Variants in MCC observed in about 807,000 individuals in gnomAD.
The protein encoded by MCC is MCC regulator of Wnt signaling pathway.
MCC carries 90 observed loss-of-function variants against 116.2 expected under a neutral mutation model. The ratio of observed to expected loss-of-function variants is 0.77; its 90% confidence interval spans 0.65 to 0.92. The LOEUF (loss-of-function observed/expected upper bound fraction) is 0.92, where lower values mean the gene tolerates loss of function less well. Ranked by LOEUF, MCC falls within the 40% of genes least tolerant of loss-of-function variation. MCC has a pLI of 0.00. For missense variants in MCC, 1,516 were observed against 1,312.2 expected, an observed-to-expected ratio of 1.16 and a Z score of -2.40; for synonymous variants, 578 against 510.5, an observed-to-expected ratio of 1.13 and a Z score of -1.78.
At chr5:113,396,797 C>A (rs932092047) in intron 1 of MCC, among the ~76,000 whole-genome samples, 1 of 152,124 alleles carries the variant, frequency 6.6e-6, no homozygotes, top group Non-Finnish European at 1.5e-5. Flanking sequence ...TGATACCTGG[C>A]ATATAATAGG....
At chr5:113,072,203 G>A (rs1008968641) in intron 11 of MCC, among the ~76,000 whole-genome samples, 3 of 152,294 alleles carry the variant, frequency 2.0e-5, no homozygotes, top group African/African-American at 7.2e-5. Flanking sequence ...AATGTTAAGG[G>A]GTTTGGAAGC....
In MCC at chr5:113,023,772, T is replaced by TA. The variant is rs1750330569; in HGVS notation, c.*3529dup. The TA allele has an allele frequency of 6.6e-6, 1 of 152,228 alleles. No homozygotes were observed. The highest frequency in any genetic ancestry group is 1.5e-5 in the Non-Finnish European group (1 of 68,036). 9.4% of individuals were successfully genotyped at this position (152,228 alleles called of 1,614,324 possible). ...TAGTCATCTTGATATGTTATCACTT[T>TA]AAAGCTTGATAATCGAAACTCTTGA... On this transcript the variant is annotated 3_prime_UTR_variant, in exon 19 of 19. Transcript: ENST00000408903.
chr5:113,461,338 G>T (rs1047364938), intron 1 of MCC, among the ~76,000 whole-genome samples: 1 of 152,134 alleles, frequency 6.6e-6, no homozygotes, highest in African/African-American at 2.4e-5. Context: ...TAATTGTATG[G>T]TCAATAGATA....
Position 113,080,825 on chromosome 5 carries a change from AAAG to A in MCC, c.1784+2032_1784+2034del, listed in dbSNP as rs1486962143. On this transcript the variant is annotated intron_variant, in intron 11 of 18. Coordinates refer to ENST00000408903, the MANE Select transcript of MCC (RefSeq NM_001085377.2). Reference sequence around the variant, plus strand: ...AATTAACAACAACAACAAAAAAAAAAAAGAAAAGAAAAAAGAAAAATCACCCCT... The same window carrying A: ...AATTAACAACAACAACAAAAAAAAAAAAAAGAAAAAAGAAAAATCACCCCT... Among the ~76,000 whole-genome samples the A allele has an allele frequency of 8.6e-4, 123 of 143,572 alleles. 1 individual carries two copies. Among genetic ancestry groups the A allele is most frequent in the African/African-American group, 3.0e-3 (107 of 35,984 alleles). 94.2% of individuals were successfully genotyped at this position (143,572 alleles called of 152,430 possible). A position where few individuals can be genotyped will look rare whatever the true frequency, so the allele number is the denominator to read the frequency against.
At chr5:113,074,087 T>G (rs1298816146) in intron 11 of MCC, among the ~76,000 whole-genome samples, 1 of 152,222 alleles carries the variant, frequency 6.6e-6, no homozygotes, top group Non-Finnish European at 1.5e-5. Context: ...CCTCCTCAAG[T>G]GGGTCCCTGA....
rs141519541 is a variant in MCC, at chr5:113,320,098, T to C, written c.627+20421A>G. On this transcript the variant is annotated intron_variant, in intron 3 of 18. Coordinates refer to ENST00000408903, the MANE Select transcript of MCC (RefSeq NM_001085377.2). ...TATTTGTGCATTCTTATTTCAAAGA[T>C]ATTTTATTTCCTAATCTTCTATAAT... Among the ~76,000 whole-genome samples, 87 of 152,362 alleles carry C rather than the reference T, an allele frequency of 5.7e-4. No homozygotes were observed. The East Asian group carries it at 0.016, about 28-fold the overall frequency.
At chr5:113,056,548 G>C (rs985968604) in intron 14 of MCC, among the ~76,000 whole-genome samples, 1 of 152,090 alleles carries the variant, frequency 6.6e-6, no homozygotes, top group Non-Finnish European at 1.5e-5. Context: ...ACAAAGAGGG[G>C]AACAACAAAC....
At chr5:113,402,988 C>A (rs1371207979) in intron 1 of MCC, among the ~76,000 whole-genome samples, 1 of 152,006 alleles carries the variant, frequency 6.6e-6, no homozygotes, top group Non-Finnish European at 1.5e-5. Context: ...TTCAATGCTG[C>A]CAAATTGCTA....
intron 1 of MCC, among the ~76,000 whole-genome samples, chr5:113,402,408 C>T (rs1561553482): frequency 6.6e-6 from 1 of 151,946 alleles, no homozygotes; most frequent in Non-Finnish European, 1.5e-5. Context: ...ATCCTCTCAG[C>T]CTCCCAAAGA....
In MCC at chr5:113,455,158, G is replaced by A. The variant is rs374835188; in HGVS notation, c.170+33087C>T. On this transcript the variant is annotated intron_variant, in intron 1 of 18. Transcript: ENST00000408903. Reference sequence around the variant, plus strand: ...TGAGATCCCATTTGGCTCAGCTGATGCCCCATTCCTGGTCATCCTCAACTT... The same window carrying A: ...TGAGATCCCATTTGGCTCAGCTGATACCCCATTCCTGGTCATCCTCAACTT... Among the ~76,000 whole-genome samples the A allele has an allele frequency of 2.6e-5, 4 of 152,284 alleles. No individual in the cohort carries two copies. In the East Asian group the frequency reaches 7.7e-4, roughly 29 times the overall value.
At position 113,275,634 on chromosome 5, in the gene MCC, T is replaced by C. The variant is rs375379487; in HGVS notation, c.627+64885A>G. Among the ~76,000 whole-genome samples the C allele has an allele frequency of 1.3e-3, 204 of 152,146 alleles. 1 individual carries two copies. The highest frequency in any genetic ancestry group is 4.2e-3 in the African/African-American group (174 of 41,524). On this transcript the variant is annotated intron_variant, in intron 3 of 18. Coordinates refer to ENST00000408903, the MANE Select transcript of MCC (RefSeq NM_001085377.2). Reference sequence around the variant, plus strand: ...CCATTTCCATGGATTCTACCAACCATAGATCAAAAATTTCAGGAAAAATAA... The same window carrying C: ...CCATTTCCATGGATTCTACCAACCACAGATCAAAAATTTCAGGAAAAATAA...
At chr5:113,307,480 T>C (rs1767018553) in intron 3 of MCC, among the ~76,000 whole-genome samples, 1 of 152,258 alleles carries the variant, frequency 6.6e-6, no homozygotes, top group African/African-American at 2.4e-5. Flanking sequence ...CAATTGATTT[T>C]TGCACATTGA....
In MCC at chr5:113,094,805, C is replaced by A. The variant is rs560743460; in HGVS notation, c.1398+6934G>T. 4.6e-5 allele frequency among the ~76,000 whole-genome samples: 7 copies of A among 152,298 alleles called. No individual in the cohort carries two copies. The South Asian group carries it at 1.0e-3, about 23-fold the overall frequency. ...AAGAGCTAGCCTTGAAGCAGCCTGG[C>A]CTCCTCATAGGCACATGAGGCTGGG... On this transcript the variant is annotated intron_variant, in intron 8 of 18. Coordinates refer to ENST00000408903, the MANE Select transcript of MCC (RefSeq NM_001085377.2).
intron 1 of MCC, among the ~76,000 whole-genome samples, chr5:113,438,395 C>A (rs1051281867): frequency 5.3e-5 from 8 of 152,118 alleles, no homozygotes; most frequent in African/African-American, 1.9e-4. Flanking sequence ...CTTATTAGTA[C>A]AGTGTGACTC....
At chr5:113,269,883 C>G (rs1353859158) in intron 3 of MCC, among the ~76,000 whole-genome samples, 3 of 152,208 alleles carry the variant, frequency 2.0e-5, no homozygotes, top group Non-Finnish European at 4.4e-5. Context: ...CAACAGAGTA[C>G]ACTGAGTTCA....
chr5:113,228,300 G>GA, intron 3 of MCC, among the ~76,000 whole-genome samples: 1 of 152,260 alleles, frequency 6.6e-6, no homozygotes, highest in Non-Finnish European at 1.5e-5. Flanking sequence ...TGTCTCGTGA[G>GA]AATGAGTTCT....
At chr5:113,085,043 C>A in intron 9 of MCC, 121 bp downstream of exon 9, 1 of 1,383,876 alleles carries the variant, frequency 7.2e-7, no homozygotes, top group African/African-American at 1.4e-5. Flanking sequence ...CGTAAGGTCC[C>A]AGGGGAAGCC....
At chr5:113,184,003 A>G (rs1407935590) in intron 3 of MCC, among the ~76,000 whole-genome samples, 1 of 152,038 alleles carries the variant, frequency 6.6e-6, no homozygotes, top group Non-Finnish European at 1.5e-5. Flanking sequence ...GCTGGTAAGT[A>G]AAATGAAATG....
chr5:113,386,220 G>A (rs1769251543), intron 1 of MCC, among the ~76,000 whole-genome samples: 1 of 152,142 alleles, frequency 6.6e-6, no homozygotes, highest in Non-Finnish European at 1.5e-5. Context: ...GCTAATTAGT[G>A]TGCCTGTCTC....
Sources: gnomAD v4.1 joint callset for allele counts (sites outside exome capture counted in the v4.1 genomes callset) on GRCh38, gnomAD v4.1.1 for gene constraint, MANE v1.5 for transcripts, NCBI Gene and HGNC (gene_info 2026-07-23, HGNC 2026-07-21) for gene names.